The following CHD2 variants were observed in gnomAD, a reference collection of about 807,000 sequenced individuals.
The protein encoded by CHD2 is ATP-dependent chromatin remodeler CHD2.
In CHD2, 28 loss-of-function variants were observed where a neutral mutation model predicts 243.9. The observed-to-expected ratio is 0.11, with a 90% confidence interval of 0.09 to 0.16. The LOEUF (loss-of-function observed/expected upper bound fraction) is 0.16. Among genes scored for constraint, CHD2 ranks in the 10% least tolerant of loss-of-function variants. The probability of loss-of-function intolerance (pLI) is 1.00; values close to 1 mark genes in which losing one functional copy is unlikely to be tolerated. For missense variants in CHD2, 1,386 were observed against 2,209.8 expected (o/e 0.63, Z 7.47); for synonymous variants, 775 against 779.0 (o/e 0.99, Z 0.09).
At chr15:92,999,083 C>CAAAAAAAAAAAAAAAAAAAAAA (rs55738843) in intron 31 of CHD2, among the ~76,000 whole-genome samples, 2 of 65,526 alleles carry the variant, frequency 3.1e-5, no homozygotes, top group Admixed American at 2.1e-4. Flanking sequence ...GACTCCGTCT[C>CAAAAAAAAAAAAAAAAAAAAAA]AAAAAAAAAA....
intron 4 of CHD2, among the ~76,000 whole-genome samples, chr15:92,927,844 A>G (rs2053091995): frequency 6.6e-6 from 1 of 152,176 alleles, no homozygotes; most frequent in Non-Finnish European, 1.5e-5. Context: ...TGAGTTTCAA[A>G]CATACTTACT....
At chr15:93,020,699 G>A (rs191278020) in intron 38 of CHD2, 19 of 235,540 alleles carry the variant, frequency 8.1e-5, no homozygotes, top group East Asian at 1.8e-4. Context: ...CCAGTAGTAC[G>A]ATGAGCCGAA....
At chr15:92,928,064 G>C (rs543027576) in intron 4 of CHD2, among the ~76,000 whole-genome samples, 1 of 152,178 alleles carries the variant, frequency 6.6e-6, no homozygotes, top group African/African-American at 2.4e-5. Flanking sequence ...GGAGGACTTT[G>C]CTAGTCTTAG....
At chr15:92,928,406 G>T (rs2053104143) in intron 4 of CHD2, among the ~76,000 whole-genome samples, 1 of 152,234 alleles carries the variant, frequency 6.6e-6, no homozygotes, top group South Asian at 2.1e-4. Flanking sequence ...TAATTGTGGA[G>T]AGAAAGAGCT....
intron 17 of CHD2, among the ~76,000 whole-genome samples, chr15:92,968,388 T>C (rs1031348321): frequency 6.6e-6 from 1 of 152,216 alleles, no homozygotes; most frequent in African/African-American, 2.4e-5. Context: ...AAAACCACTT[T>C]TCCTCTGAAC....
intron 16 of CHD2, among the ~76,000 whole-genome samples, chr15:92,962,062 A>G (rs558029042): frequency 6.6e-6 from 1 of 151,428 alleles, no homozygotes; most frequent in South Asian, 2.1e-4. Flanking sequence ...TTGTATTTTT[A>G]GTAGAGACGA....
chr15:92,959,938 G>A (rs990688688), intron 16 of CHD2, among the ~76,000 whole-genome samples: 2 of 152,178 alleles, frequency 1.3e-5, no homozygotes, highest in Non-Finnish European at 2.9e-5. Context: ...AATTTTGATA[G>A]AAATTGTGTT....
At chr15:92,901,999 A>G (rs993101959) in intron 2 of CHD2, 27 of 387,206 alleles carry the variant, frequency 7.0e-5, no homozygotes, top group Non-Finnish European at 1.0e-4. Context: ...CTCTTAATAT[A>G]TACTTCTATT....
chr15:92,965,971 C>T (rs931720565), intron 16 of CHD2, among the ~76,000 whole-genome samples: 74 of 152,178 alleles, frequency 4.9e-4, no homozygotes, highest in African/African-American at 1.7e-3. Flanking sequence ...GATATTTCTA[C>T]TTCTACTGAT....
intron 16 of CHD2, among the ~76,000 whole-genome samples, chr15:92,957,738 T>C (rs115237412): frequency 3.9e-5 from 6 of 152,122 alleles, no homozygotes; most frequent in Non-Finnish European, 7.3e-5. Flanking sequence ...TTAGTAACTT[T>C]ATAGTTTGCA....
At chr15:92,956,068 G>A (rs2053614316) in intron 15 of CHD2, among the ~76,000 whole-genome samples, 1 of 152,176 alleles carries the variant, frequency 6.6e-6, no homozygotes, top group Admixed American at 6.5e-5. Flanking sequence ...AGTTGAGTTT[G>A]GTGGCTCTTG....
chr15:92,967,598 GTT>G (rs144172255), intron 17 of CHD2, 85 bp downstream of exon 17: 5,392 of 607,652 alleles, frequency 8.9e-3, no homozygotes, highest in East Asian at 0.016. Flanking sequence ...ATATACTTTT[GTT>G]TTTTTTTTTT....
chr15:92,937,078 G>C (rs531915889), intron 5 of CHD2, among the ~76,000 whole-genome samples: 1 of 152,184 alleles, frequency 6.6e-6, no homozygotes, highest in East Asian at 1.9e-4. Context: ...GCTCAGCTTG[G>C]TCTTGAGCTC....
intron 20 of CHD2, among the ~76,000 whole-genome samples, chr15:92,977,319 G>A (rs1230992035): frequency 6.6e-6 from 1 of 152,158 alleles, no homozygotes; most frequent in Admixed American, 6.5e-5. Context: ...ATGGCATAAT[G>A]TTGTTGAATG....
chr15:92,921,045 TGGTA>T (rs2052945764), intron 2 of CHD2, among the ~76,000 whole-genome samples: 1 of 151,990 alleles, frequency 6.6e-6, no homozygotes, highest in Non-Finnish European at 1.5e-5. Flanking sequence ...CAGCAGGGCA[TGGTA>T]ATTGAAGCTC....
chr15:92,934,528 C>CAT (rs2053231159), intron 5 of CHD2, among the ~76,000 whole-genome samples: 1 of 152,142 alleles, frequency 6.6e-6, no homozygotes. Context: ...TTATTGTAGA[C>CAT]TGACTTACAA....
At chr15:92,936,051 T>C (rs1011843705) in intron 5 of CHD2, among the ~76,000 whole-genome samples, 1 of 152,070 alleles carries the variant, frequency 6.6e-6, no homozygotes, top group Non-Finnish European at 1.5e-5. Context: ...GGGAAATGCA[T>C]ATGGAAACAC....
intron 2 of CHD2, 188 bp from the exon 3 acceptor site, chr15:92,924,133 T>G: frequency 2.0e-6 from 1 of 509,542 alleles, no homozygotes; most frequent in Non-Finnish European, 3.5e-6. Context: ...AGGGTAGCTA[T>G]TGGGGATTTT....
intron 5 of CHD2, among the ~76,000 whole-genome samples, chr15:92,929,788 C>T (rs2053131542): frequency 6.6e-6 from 1 of 151,978 alleles, no homozygotes; most frequent in Non-Finnish European, 1.5e-5. Context: ...TTCAGGGGTT[C>T]TCATGTTAAA....
Sources: gnomAD v4.1 joint callset for allele counts (sites outside exome capture counted in the v4.1 genomes callset) on GRCh38, gnomAD v4.1.1 for gene constraint, MANE v1.5 for transcripts, NCBI Gene and HGNC (gene_info 2026-07-23, HGNC 2026-07-21) for gene names.